Variants in MAP3K20 observed in about 807,000 individuals in gnomAD.
MAP3K20 encodes the protein HCCS-4.
Under a neutral mutation model 85.7 loss-of-function variants are expected in MAP3K20, and 40 were observed. That is an observed-to-expected ratio of 0.47 (90% CI 0.36 to 0.61). The LOEUF (loss-of-function observed/expected upper bound fraction) is 0.61. Ranked by LOEUF, MAP3K20 falls within the 20% of genes least tolerant of loss-of-function variation. The probability of loss-of-function intolerance (pLI) is 0.00; values close to 1 mark genes in which losing one functional copy is unlikely to be tolerated. For synonymous variants in MAP3K20, 325 were observed against 327.7 expected, an observed-to-expected ratio of 0.99 and a Z score of 0.09; for missense variants, 817 against 961.7, an observed-to-expected ratio of 0.85 and a Z score of 1.99.
intron 3 of MAP3K20, among the ~76,000 whole-genome samples, chr2:173,179,359 T>C (rs1351852466): frequency 6.9e-6 from 1 of 144,010 alleles, no homozygotes; most frequent in Non-Finnish European, 1.5e-5. Context: ...ACCACTGCAC[T>C]CCAGCCTGGG....
At chr2:173,144,462 C>CAAAAAAAAAAAAAAA (rs71018537) in intron 2 of MAP3K20, among the ~76,000 whole-genome samples, 18 of 92,872 alleles carry the variant, frequency 1.9e-4, no homozygotes, top group African/African-American at 3.1e-4. Context: ...GACTCCGTCT[C>CAAAAAAAAAAAAAAA]AAAAAAAAAA....
At chr2:173,209,645 A>G in intron 9 of MAP3K20, 84 bp from the exon 10 acceptor site, 3 of 1,112,168 alleles carry the variant, frequency 2.7e-6, no homozygotes, top group Non-Finnish European at 3.9e-6. Context: ...TGAGTTTATT[A>G]CTATGCTTGT....
intron 16 of MAP3K20, among the ~76,000 whole-genome samples, chr2:173,250,214 G>A (rs1051221095): frequency 6.6e-6 from 1 of 152,184 alleles, no homozygotes; most frequent in Non-Finnish European, 1.5e-5. Flanking sequence ...TTAGCTAGAA[G>A]TCATTTTCTT....
chr2:173,142,293 A>C (rs1036424262), intron 2 of MAP3K20, among the ~76,000 whole-genome samples: 1 of 152,078 alleles, frequency 6.6e-6, no homozygotes, highest in Non-Finnish European at 1.5e-5. Flanking sequence ...TAACATGGTA[A>C]AACCCTGACT....
intron 16 of MAP3K20, among the ~76,000 whole-genome samples, chr2:173,243,616 T>C (rs1684843578): frequency 6.6e-6 from 1 of 152,180 alleles, no homozygotes; most frequent in African/African-American, 2.4e-5. Flanking sequence ...ATCAGATTTA[T>C]GTTTTTTTGT....
intron 10 of MAP3K20, among the ~76,000 whole-genome samples, chr2:173,214,918 T>A (rs866919172): frequency 6.6e-6 from 1 of 152,242 alleles, no homozygotes; most frequent in Non-Finnish European, 1.5e-5. Context: ...TAATGGCATA[T>A]AACCTCACAC....
At position 173,221,465 on chromosome 2, in the gene MAP3K20, G is replaced by A. The variant is rs1454839144; in HGVS notation, c.987+4215G>A. The A allele has an allele frequency of 1.9e-6, 3 of 1,612,440 alleles. No individual in the cohort carries two copies. In the African/African-American group the frequency reaches 4.0e-5, roughly 22 times the overall value. On this transcript the variant is annotated intron_variant, in intron 11 of 19. Transcript: ENST00000375213. Reference sequence around the variant, plus strand: ...GGGGTTCAGTGATTTTGACTTGTCAGAAGGTGACGATGATGATGATGATGA... The same window carrying A: ...GGGGTTCAGTGATTTTGACTTGTCAAAAGGTGACGATGATGATGATGATGA...
chr2:173,217,094 A>C, intron 10 of MAP3K20, 21 bp from the exon 11 acceptor site: 1 of 1,483,120 alleles, frequency 6.7e-7, no homozygotes, highest in Non-Finnish European at 9.0e-7. Flanking sequence ...GTTGAGACTT[A>C]CACCAGCTAT....
At chr2:173,255,471 G>C (rs960001529) in intron 16 of MAP3K20, among the ~76,000 whole-genome samples, 2 of 152,258 alleles carry the variant, frequency 1.3e-5, no homozygotes, top group East Asian at 3.9e-4. Context: ...TTTCTCATTC[G>C]TCTAAAGGGA....
chr2:173,131,324 C>G (rs1052369904), intron 2 of MAP3K20, among the ~76,000 whole-genome samples: 3 of 152,168 alleles, frequency 2.0e-5, no homozygotes, highest in Non-Finnish European at 4.4e-5. Flanking sequence ...CTCCATTAAA[C>G]AATGAAATGC....
At chr2:173,081,948 C>G (rs1182197594) in intron 1 of MAP3K20, among the ~76,000 whole-genome samples, 1 of 152,112 alleles carries the variant, frequency 6.6e-6, no homozygotes, top group Non-Finnish European at 1.5e-5. Context: ...ATTGAACGCT[C>G]TTGGTGATGG....
chr2:173,113,580 G>C (rs552711246), intron 2 of MAP3K20, among the ~76,000 whole-genome samples: 2 of 152,180 alleles, frequency 1.3e-5, no homozygotes, highest in Non-Finnish European at 2.9e-5. Context: ...AAAGGTTTTG[G>C]TAGGTTGTGT....
At chr2:173,190,799 T>C in intron 5 of MAP3K20, 96 bp from the exon 6 acceptor site, 5 of 1,151,990 alleles carry the variant, frequency 4.3e-6, no homozygotes, top group Non-Finnish European at 6.2e-6. Context: ...TAATCCCATA[T>C]TGAAGACAGA....
At chr2:173,180,152 T>C (rs1379381064) in intron 3 of MAP3K20, among the ~76,000 whole-genome samples, 1 of 152,102 alleles carries the variant, frequency 6.6e-6, no homozygotes, top group South Asian at 2.1e-4. Context: ...GACCTAGAAA[T>C]AGCCAAACCA....
intron 2 of MAP3K20, among the ~76,000 whole-genome samples, chr2:173,154,449 G>T (rs960405866): frequency 6.6e-6 from 1 of 152,160 alleles, no homozygotes; most frequent in Non-Finnish European, 1.5e-5. Context: ...CTCCCAAAGT[G>T]CTGGTATTAT....
intron 2 of MAP3K20, among the ~76,000 whole-genome samples, chr2:173,133,939 C>T (rs1032943378): frequency 9.5e-5 from 14 of 147,146 alleles, no homozygotes; most frequent in Admixed American, 2.7e-4. Flanking sequence ...TGCAGTGAGC[C>T]GAGATCACAC....
chr2:173,223,395 G>T, intron 11 of MAP3K20: 1 of 930,934 alleles, frequency 1.1e-6, no homozygotes. Flanking sequence ...AATAATATAT[G>T]TAAAGCACTT....
intron 11 of MAP3K20, 105 bp from the exon 12 acceptor site, chr2:173,229,584 G>A: frequency 6.7e-7 from 1 of 1,502,114 alleles, no homozygotes; most frequent in Non-Finnish European, 9.1e-7. Flanking sequence ...GAGGAACCAA[G>A]CCAGAGCAGC....
chr2:173,220,200 CTTGT>C (rs1224993502), intron 11 of MAP3K20, among the ~76,000 whole-genome samples: 1 of 151,962 alleles, frequency 6.6e-6, no homozygotes, highest in Non-Finnish European at 1.5e-5. Flanking sequence ...CCTTGATTTG[CTTGT>C]TTCTCAAAAG....
Sources: allele counts gnomAD v4.1 joint callset (sites outside exome capture counted in the v4.1 genomes callset), GRCh38; gene constraint gnomAD v4.1.1; transcripts MANE v1.5; gene names NCBI Gene and HGNC (gene_info 2026-07-23, HGNC 2026-07-21).